Variants in CLIC4 observed in about 807,000 individuals in gnomAD.
CLIC4 encodes chloride intracellular channel protein 4.
CLIC4 carries 13 observed loss-of-function variants against 24.6 expected under a neutral mutation model. The observed-to-expected ratio is 0.53, with a 90% CI of 0.34 to 0.84. CLIC4 has a LOEUF of 0.84. Ranked by LOEUF, CLIC4 falls within the 40% of genes least tolerant of loss-of-function variation. CLIC4 has a pLI of 0.01. For synonymous variants in CLIC4, 104 were observed against 111.3 expected (o/e 0.93, Z 0.41); for missense variants, 227 against 301.7 (o/e 0.75, Z 1.83).
intron 1 of CLIC4, among the ~76,000 whole-genome samples, chr1:24,776,869 GC>G (rs1475686926): frequency 3.9e-5 from 6 of 152,122 alleles, no homozygotes; most frequent in Admixed American, 6.6e-5. Context: ...CAAAGATCAT[GC>G]CATTGCACTC....
intron 2 of CLIC4, among the ~76,000 whole-genome samples, chr1:24,808,038 C>T (rs1447442510): frequency 6.6e-6 from 1 of 151,920 alleles, no homozygotes; most frequent in African/African-American, 2.4e-5. Context: ...GCAACCTTCA[C>T]CTCCCGGATT....
intron 3 of CLIC4, among the ~76,000 whole-genome samples, chr1:24,824,996 T>TCTCA (rs1328404208): frequency 3.1e-4 from 42 of 133,958 alleles, no homozygotes; most frequent in African/African-American, 5.9e-4. Context: ...GGAGACCCTG[T>TCTCA]CACACACACA....
At chr1:24,836,743 TGGGA>T (rs942808153) in intron 4 of CLIC4, among the ~76,000 whole-genome samples, 3 of 151,996 alleles carry the variant, frequency 2.0e-5, no homozygotes, top group African/African-American at 7.3e-5. Flanking sequence ...GAGGCTGAGG[TGGGA>T]GGATCGCATG....
intron 1 of CLIC4, among the ~76,000 whole-genome samples, chr1:24,796,385 C>T (rs1405607271): frequency 2.6e-5 from 4 of 152,084 alleles, no homozygotes; most frequent in Non-Finnish European, 1.5e-5. Flanking sequence ...GGTGGGGTTT[C>T]ACCATGTTGG....
intron 3 of CLIC4, among the ~76,000 whole-genome samples, chr1:24,824,806 C>T (rs771942038): frequency 6.6e-6 from 1 of 151,766 alleles, no homozygotes; most frequent in Non-Finnish European, 1.5e-5. Context: ...CAACACTAGC[C>T]TGGGCAACAT....
intron 1 of CLIC4, among the ~76,000 whole-genome samples, chr1:24,766,794 C>A (rs1252724631): frequency 3.3e-5 from 5 of 151,500 alleles, no homozygotes; most frequent in Non-Finnish European, 7.4e-5. Flanking sequence ...GTGTGAGCCA[C>A]CACGCCTAGC....
At chr1:24,805,714 C>G (rs1011235215) in intron 2 of CLIC4, among the ~76,000 whole-genome samples, 31 of 152,192 alleles carry the variant, frequency 2.0e-4, no homozygotes, top group African/African-American at 7.0e-4. Context: ...CCGGTGTTCT[C>G]TAGCTATGCT....
intron 3 of CLIC4, 88 bp downstream of exon 3, chr1:24,814,307 A>G: frequency 7.2e-7 from 1 of 1,394,822 alleles, no homozygotes; most frequent in Non-Finnish European, 9.9e-7. Context: ...TCGCAGCATT[A>G]ATTTGGAATG....
At chr1:24,753,815 G>T (rs1638809102) in intron 1 of CLIC4, among the ~76,000 whole-genome samples, 1 of 152,052 alleles carries the variant, frequency 6.6e-6, no homozygotes, top group Non-Finnish European at 1.5e-5. Context: ...TTGTACAGAT[G>T]GACTGTTTTG....
intron 1 of CLIC4, among the ~76,000 whole-genome samples, chr1:24,781,897 G>A (rs925688997): frequency 5.9e-5 from 9 of 151,640 alleles, no homozygotes; most frequent in African/African-American, 1.7e-4. Context: ...TGTTCCGCCC[G>A]CCTTGGCCTC....
At chr1:24,808,007 A>G (rs937935647) in intron 2 of CLIC4, among the ~76,000 whole-genome samples, 5 of 150,906 alleles carry the variant, frequency 3.3e-5, no homozygotes, top group African/African-American at 4.9e-5. Context: ...CTGGAATGCA[A>G]TGGCACAATC....
Position 24,824,996 on chromosome 1 carries a change from TCACACACACACACACA to T in CLIC4, c.309-1985_309-1970del, listed in dbSNP as rs3220273. On this transcript the variant is annotated intron_variant, in intron 3 of 5. Coordinates refer to ENST00000374379, the MANE Select transcript of CLIC4 (RefSeq NM_013943.3). ...CCCTGGGTGACAGAGGGAGACCCTGTCACACACACACACACACACACACACACACACACACACACAC... is the reference window on the plus strand; with the variant it reads ...CCCTGGGTGACAGAGGGAGACCCTGTCACACACACACACACACACACACAC... Among the ~76,000 whole-genome samples the T allele has an allele frequency of 5.8e-3, 783 of 133,954 alleles. 6 individuals carry two copies. The highest frequency in any genetic ancestry group is 0.021 in the African/African-American group (733 of 35,716). The allele number at this position is 133,954 out of a possible 152,430, so 87.9% of individuals were successfully genotyped here.
intron 3 of CLIC4, among the ~76,000 whole-genome samples, chr1:24,819,054 C>G (rs1262256757): frequency 6.6e-6 from 1 of 152,068 alleles, no homozygotes; most frequent in Non-Finnish European, 1.5e-5. Flanking sequence ...GCAACAACAC[C>G]TCTGTCTATA....
At chr1:24,749,427 C>T (rs903586349) in intron 1 of CLIC4, among the ~76,000 whole-genome samples, 10 of 152,124 alleles carry the variant, frequency 6.6e-5, no homozygotes, top group African/African-American at 2.2e-4. Context: ...GGGCTTTGAG[C>T]CTACCTGTCT....
intron 1 of CLIC4, among the ~76,000 whole-genome samples, chr1:24,753,213 G>T (rs1308790996): frequency 6.6e-6 from 1 of 152,014 alleles, no homozygotes; most frequent in African/African-American, 2.4e-5. Context: ...TATAAGCAAG[G>T]TATAAAAGAA....
At chr1:24,807,984 C>CT (rs1281496115) in intron 2 of CLIC4, among the ~76,000 whole-genome samples, 74 of 144,988 alleles carry the variant, frequency 5.1e-4, no homozygotes, top group Middle Eastern at 3.6e-3. Flanking sequence ...GAATTTTGCT[C>CT]TTGTTGCCCA....
chr1:24,782,172 G>C (rs1426982248), intron 1 of CLIC4, among the ~76,000 whole-genome samples: 1 of 152,130 alleles, frequency 6.6e-6, no homozygotes, highest in East Asian at 1.9e-4. Context: ...CAAATGTACT[G>C]TTATAAGCTG....
chr1:24,760,987 A>G (rs911126631), intron 1 of CLIC4, among the ~76,000 whole-genome samples: 5 of 152,178 alleles, frequency 3.3e-5, no homozygotes, highest in Non-Finnish European at 7.3e-5. Context: ...GCATGAGATG[A>G]TGGTGGCTTG....
chr1:24,760,170 G>C (rs1256818500), intron 1 of CLIC4, among the ~76,000 whole-genome samples: 5 of 152,076 alleles, frequency 3.3e-5, no homozygotes, highest in Non-Finnish European at 7.4e-5. Flanking sequence ...GTTTGAGACA[G>C]CCTGGCCAAC....
Sources: allele counts gnomAD v4.1 joint callset (sites outside exome capture counted in the v4.1 genomes callset), GRCh38; gene constraint gnomAD v4.1.1; transcripts MANE v1.5; gene names NCBI Gene and HGNC (gene_info 2026-07-23, HGNC 2026-07-21).